NTNG1: variants seen among roughly 807,000 people sequenced by gnomAD.
NTNG1 encodes netrin-G1.
A neutral mutation model predicts 54.0 loss-of-function variants in NTNG1; 16 were observed. The ratio of observed to expected loss-of-function variants is 0.30; its 90% CI spans 0.20 to 0.45. NTNG1 has a LOEUF of 0.45. Ranked by LOEUF, NTNG1 falls within the 20% of genes least tolerant of loss-of-function variation. The pLI, the probability that NTNG1 is intolerant of heterozygous loss-of-function variation, is 1.00. For missense variants in NTNG1, 530 were observed against 678.7 expected (o/e 0.78, Z 2.43); for synonymous variants, 255 against 263.1 (o/e 0.97, Z 0.30).
intron 2 of NTNG1, among the ~76,000 whole-genome samples, chr1:107,185,927 A>G (rs137872435): frequency 5.9e-5 from 9 of 152,218 alleles, no homozygotes; most frequent in Non-Finnish European, 8.8e-5. Flanking sequence ...TTACATAATT[A>G]TATTCCATAG....
intron 2 of NTNG1, among the ~76,000 whole-genome samples, chr1:107,313,285 GA>G (rs1307598838): frequency 2.6e-5 from 4 of 152,138 alleles, no homozygotes; most frequent in Non-Finnish European, 5.9e-5. Flanking sequence ...TCTTTGGCAG[GA>G]ATATTTCCAA....
intron 2 of NTNG1, among the ~76,000 whole-genome samples, chr1:107,182,293 A>T (rs1190341833): frequency 6.6e-6 from 1 of 152,150 alleles, no homozygotes; most frequent in Non-Finnish European, 1.5e-5. Context: ...TTTTAGAGAG[A>T]TTTCCTAGCA....
intron 7 of NTNG1, among the ~76,000 whole-genome samples, chr1:107,468,836 G>T (rs372026879): frequency 3.1e-5 from 4 of 128,534 alleles, no homozygotes; most frequent in Non-Finnish European, 5.1e-5. Flanking sequence ...GGTGGCTCAC[G>T]CCTGTAATCC....
At chr1:107,436,635 T>C (rs1286661571) in intron 6 of NTNG1, 30 bp from the exon 7 acceptor site, 1 of 1,607,398 alleles carries the variant, frequency 6.2e-7, no homozygotes, top group African/African-American at 1.3e-5. Context: ...CAGACTTGTC[T>C]CCAGCCTGTG....
At chr1:107,169,829 C>T (rs568527440) in intron 2 of NTNG1, among the ~76,000 whole-genome samples, 6 of 152,196 alleles carry the variant, frequency 3.9e-5, no homozygotes, top group African/African-American at 9.6e-5. Flanking sequence ...AGAGATGCCT[C>T]GCAAAGAATT....
chr1:107,366,346 T>C (rs1325290348), intron 3 of NTNG1, among the ~76,000 whole-genome samples: 1 of 152,190 alleles, frequency 6.6e-6, no homozygotes, highest in Non-Finnish European at 1.5e-5. Flanking sequence ...CAGAAGGACT[T>C]TTTTAGGATG....
chr1:107,264,347 C>T (rs1010029201), intron 2 of NTNG1, among the ~76,000 whole-genome samples: 1 of 152,106 alleles, frequency 6.6e-6, no homozygotes, highest in Admixed American at 6.5e-5. Flanking sequence ...GCCATTTTTG[C>T]TTTGTGGAGG....
intron 2 of NTNG1, among the ~76,000 whole-genome samples, chr1:107,264,109 C>A (rs764879232): frequency 6.6e-6 from 1 of 151,880 alleles, no homozygotes; most frequent in Non-Finnish European, 1.5e-5. Context: ...CAGATCCATG[C>A]CACCATCTTT....
chr1:107,253,172 G>A (rs945223166), intron 2 of NTNG1, among the ~76,000 whole-genome samples: 1 of 152,188 alleles, frequency 6.6e-6, no homozygotes, highest in African/African-American at 2.4e-5. Context: ...AAACAGTCTT[G>A]AGAAAGCTCC....
At chr1:107,190,596 G>A (rs1488094222) in intron 2 of NTNG1, among the ~76,000 whole-genome samples, 2 of 152,026 alleles carry the variant, frequency 1.3e-5, no homozygotes, top group East Asian at 3.9e-4. Context: ...CCCATAACAG[G>A]CCCCGGTGTG....
intron 2 of NTNG1, among the ~76,000 whole-genome samples, chr1:107,164,197 G>A (rs1281369807): frequency 6.6e-6 from 1 of 152,214 alleles, no homozygotes; most frequent in African/African-American, 2.4e-5. Context: ...GCTTGAGGAG[G>A]GGAGAGCAGG....
intron 2 of NTNG1, among the ~76,000 whole-genome samples, chr1:107,175,046 A>G (rs536399049): frequency 7.0e-4 from 106 of 152,302 alleles, no homozygotes; most frequent in African/African-American, 2.5e-3. Flanking sequence ...ATTAAGCAGC[A>G]ATTATAATAT....
chr1:107,169,005 T>A lies in NTNG1; in HGVS notation c.246+20166T>A, dbSNP rs1003836725. 3.9e-5 allele frequency among the ~76,000 whole-genome samples: 6 copies of A among 152,146 alleles called. No homozygotes were observed. In the East Asian group the frequency reaches 1.2e-3, roughly 29 times the overall value. On this transcript the variant is annotated intron_variant, in intron 2 of 7. Coordinates refer to ENST00000370068, the MANE Select transcript of NTNG1 (RefSeq NM_001113226.3). Reference sequence around the variant, plus strand: ...TGTATAGTTAAAATAAAACTAACCATTGCAAACAGTTTAATCTGTAAATGC... The same window carrying A: ...TGTATAGTTAAAATAAAACTAACCAATGCAAACAGTTTAATCTGTAAATGC...
intron 3 of NTNG1, among the ~76,000 whole-genome samples, chr1:107,354,468 C>CAAAAAAA: frequency 1.5e-5 from 1 of 66,126 alleles, no homozygotes; most frequent in Non-Finnish European, 2.6e-5. Flanking sequence ...GACTCCATCT[C>CAAAAAAA]AAAAAAAAAA....
chr1:107,353,736 A>G (rs1019499230), intron 3 of NTNG1, among the ~76,000 whole-genome samples: 6 of 152,210 alleles, frequency 3.9e-5, no homozygotes, highest in African/African-American at 1.4e-4. Flanking sequence ...ACAAAGAAAT[A>G]CCTGAAACTG....
chr1:107,242,297 CAG>C (rs1457422977), intron 2 of NTNG1, among the ~76,000 whole-genome samples: 1 of 152,046 alleles, frequency 6.6e-6, no homozygotes, highest in South Asian at 2.1e-4. Flanking sequence ...GCTTGGGTGA[CAG>C]AGTGAAAAAA....
At chr1:107,458,344 T>A (rs526283) in intron 7 of NTNG1, among the ~76,000 whole-genome samples, 2 of 152,114 alleles carry the variant, frequency 1.3e-5, no homozygotes, top group African/African-American at 4.8e-5. Flanking sequence ...GAGATCTCTA[T>A]CCATTAAATT....
intron 2 of NTNG1, among the ~76,000 whole-genome samples, chr1:107,313,072 C>A (rs1400502939): frequency 2.0e-5 from 3 of 152,046 alleles, no homozygotes; most frequent in Non-Finnish European, 4.4e-5. Flanking sequence ...CCAGTGTCAC[C>A]AGTTGTCCCA....
intron 2 of NTNG1, among the ~76,000 whole-genome samples, chr1:107,189,429 T>G (rs1461460621): frequency 1.3e-5 from 2 of 151,578 alleles, no homozygotes; most frequent in African/African-American, 4.8e-5. Flanking sequence ...CTCTTAGTTT[T>G]TTTTAAAGGA....
Sources: allele counts gnomAD v4.1 joint callset (sites outside exome capture counted in the v4.1 genomes callset), GRCh38; gene constraint gnomAD v4.1.1; transcripts MANE v1.5; gene names NCBI Gene and HGNC (gene_info 2026-07-23, HGNC 2026-07-21).